The following ZNF500 variants were observed in gnomAD, a reference collection of about 807,000 sequenced individuals.
The protein encoded by ZNF500 is zinc finger protein with KRAB and SCAN domains 18.
In ZNF500, 31 loss-of-function variants were observed where a neutral mutation model predicts 30.1. The observed-to-expected ratio is 1.03, with a 90% CI of 0.77 to 1.39. The LOEUF (loss-of-function observed/expected upper bound fraction) is 1.39. Ranked by LOEUF, ZNF500 falls within the 40% of genes most tolerant of loss-of-function variation. The pLI is 0.00. For missense variants in ZNF500, 817 were observed against 657.8 expected (o/e 1.24, Z -2.65); for synonymous variants, 392 against 282.0 (o/e 1.39, Z -3.91).
At chr16:4,766,481 A>T (rs1025015110) in intron 1 of ZNF500, among the ~76,000 whole-genome samples, 1 of 152,116 alleles carries the variant, frequency 6.6e-6, no homozygotes, top group African/African-American at 2.4e-5. Context: ...TTAGCCCGAC[A>T]TGGTGGTAGC....
Position 4,752,112 on chromosome 16 carries a change from T to C in ZNF500, c.*264A>G. On this transcript the variant is annotated 3_prime_UTR_variant, in exon 6 of 6. Coordinates refer to ENST00000219478, the MANE Select transcript of ZNF500 (RefSeq NM_021646.4). ...GAGTGTCGGCTTCTGGCCTCCTGAG[T>C]GTGTCTCTGTGGCTGAAGCCCCTGC... is the stretch of plus-strand genomic sequence containing the variant. 1 of 1,337,662 alleles carries C rather than the reference T, an allele frequency of 7.5e-7. No individual in the cohort carries two copies. The allele number at this position is 1,337,662 out of a possible 1,614,324, so 82.9% of individuals were successfully genotyped here.
rs1458445982 is a variant in ZNF500 at position 4,752,554 on chromosome 16, G to A, written c.1265C>T (p.Ser422Leu). The change falls in exon 6 of 6, where the codon TCG (serine) becomes TTG (leucine). Residue 422 changes from serine (S) to leucine (L), a missense_variant. Physicochemically the swap from Ser to Leu is moderately radical, Grantham distance 145. Coordinates refer to ENST00000219478, the MANE Select transcript of ZNF500 (RefSeq NM_021646.4). ...TQCGKRFNNS[S>L]HFSAHRRTHT... is the part of the protein sequence containing the mutation. ...CGTCCGGCGGTGGGCGCTGAAGTGCGAGCTGTTGTTGAAGCGCTTCCCGCA... is the reference window on the plus strand; with the variant it reads ...CGTCCGGCGGTGGGCGCTGAAGTGCAAGCTGTTGTTGAAGCGCTTCCCGCA... 5.7e-6 allele frequency: 9 copies of A among 1,572,592 alleles called. No homozygotes were observed. Among genetic ancestry groups the A allele is most frequent in the Admixed American group, 1.9e-5 (1 of 53,902 alleles).
downstream of ZNF500, chr16:4,746,982 C>T: frequency 1.9e-6 from 3 of 1,549,862 alleles, no homozygotes; most frequent in Non-Finnish European, 2.6e-6. Flanking sequence ...GATGGCAGCT[C>T]TGGGAGACGC....
chr16:4,746,324 C>T, downstream of ZNF500: 1 of 1,560,874 alleles, frequency 6.4e-7, no homozygotes, highest in Non-Finnish European at 8.7e-7. Context: ...GCGCAGGTCA[C>T]AGAGTTATCA....
downstream of ZNF500, chr16:4,747,383 G>A (rs377538294): frequency 3.1e-6 from 5 of 1,608,682 alleles, no homozygotes; most frequent in Non-Finnish European, 4.2e-6. Flanking sequence ...GCAGCTCAGG[G>A]CCTTTCAGAA....
chr16:4,751,581 G>C lies in ZNF500; in HGVS notation c.*795C>G. On this transcript the variant is annotated 3_prime_UTR_variant, in exon 6 of 6. Coordinates refer to ENST00000219478, the MANE Select transcript of ZNF500 (RefSeq NM_021646.4). ...GAAGCTGGAGACCACGTCCTGGGAA[G>C]GCTGGGGTACAGCAGGGCTCCCTGC... 6.5e-7 allele frequency: 1 copy of C among 1,534,446 alleles called. No individual in the cohort carries two copies. The highest frequency in any genetic ancestry group is 2.0e-5 in the Admixed American group (1 of 50,854).
intron 2 of ZNF500, chr16:4,763,262 G>A (rs2082227342): frequency 5.6e-6 from 2 of 357,900 alleles, no homozygotes; most frequent in African/African-American, 4.4e-5. Context: ...GCCAGGCATG[G>A]TGGCAGCACG....
intron 2 of ZNF500, among the ~76,000 whole-genome samples, chr16:4,763,408 A>AAAAAAAAAAAG (rs1279503809): frequency 6.8e-6 from 1 of 147,750 alleles, no homozygotes; most frequent in Non-Finnish European, 1.5e-5. Flanking sequence ...CAGGGAAGAA[A>AAAAAAAAAAAG]AAAAAAAAAA....
At position 4,765,635 on chromosome 16, in the gene ZNF500, G is replaced by C; in HGVS notation, c.344C>G (p.Pro115Arg). ...GACCACGGCCTCCTCACCGCTCTCCGGCTGCTGCTCGCGTACCCGAGCCTG... is the reference window on the plus strand; with the variant it reads ...GACCACGGCCTCCTCACCGCTCTCCCGCTGCTGCTCGCGTACCCGAGCCTG... ...EIQARVREQQ[P>R]ESGEEAVVLV... Residue 115 changes from proline to arginine, a missense_variant, in exon 2 of 6, where the codon CCG becomes CGG. Physicochemically the swap from Pro to Arg is moderately radical, Grantham distance 103. Coordinates refer to ENST00000219478, the MANE Select transcript of ZNF500 (RefSeq NM_021646.4). 1 of 1,613,478 alleles carries C rather than the reference G, an allele frequency of 6.2e-7. No individual in the cohort carries two copies. Among genetic ancestry groups the C allele is most frequent in the Non-Finnish European group, 8.5e-7 (1 of 1,179,932 alleles).
rs2082050708 is a variant in ZNF500 at position 4,748,826 on chromosome 16, T to G, written c.*3550A>C. The stretch of plus-strand genomic sequence containing the variant: ...AGGCAGCACAGTAGGGCGCCGGGCC[T>G]TTGGGACAGTGTCCCAGCTTCCCCT... On this transcript the variant is annotated 3_prime_UTR_variant, in exon 6 of 6. Coordinates refer to ENST00000219478, the MANE Select transcript of ZNF500 (RefSeq NM_021646.4). 1 of 152,338 alleles carries G rather than the reference T, an allele frequency of 6.6e-6. No homozygotes were observed. The highest frequency in any genetic ancestry group is 2.4e-5 in the African/African-American group (1 of 41,464). 9.4% of individuals were successfully genotyped at this position (152,338 alleles called of 1,614,324 possible).
rs1433775719 is a variant in ZNF500, at chr16:4,750,517, T to A, written c.*1859A>T. The A allele has an allele frequency of 2.7e-5, 4 of 145,564 alleles. No homozygotes were observed. The highest frequency in any genetic ancestry group is 6.0e-5 in the Non-Finnish European group (4 of 66,590). 9.0% of individuals were successfully genotyped at this position (145,564 alleles called of 1,614,324 possible). A position where few individuals can be genotyped will look rare whatever the true frequency, so the allele number is the denominator to read the frequency against. ...TAATTTTTTTTTTTTTTGTGTGGAGTCTCGTTCTATCACCAGGCTGGAGTA... is the reference window on the plus strand; with the variant it reads ...TAATTTTTTTTTTTTTTGTGTGGAGACTCGTTCTATCACCAGGCTGGAGTA... On this transcript the variant is annotated 3_prime_UTR_variant, in exon 6 of 6. Transcript: ENST00000219478.
Position 4,763,639 on chromosome 16 carries a change from C to A in ZNF500, c.415-883G>T, listed in dbSNP as rs2082231998. The A allele has an allele frequency of 2.2e-5, 22 of 985,308 alleles. 1 individual carries two copies. The highest frequency in any genetic ancestry group is 1.9e-4 in the South Asian group (4 of 21,294). 61.0% of individuals were successfully genotyped at this position (985,308 alleles called of 1,614,324 possible). On this transcript the variant is annotated intron_variant, in intron 2 of 5. Transcript: ENST00000219478. ...AAGGGAGCGTAGTCCCCTTGGGGAG[C>A]ACAGCCTGCCCCTCTCAGCTCAGTG...
At chr16:4,746,428 A>G (rs751625199), downstream of ZNF500, 1 of 1,613,484 alleles carries the variant, frequency 6.2e-7, no homozygotes, top group Admixed American at 1.7e-5. Flanking sequence ...CAGCTGGCCC[A>G]GGGCATGAGG....
At chr16:4,756,192 G>C (rs934257829) in intron 5 of ZNF500, 1 of 152,206 alleles carries the variant, frequency 6.6e-6, no homozygotes, top group Non-Finnish European at 1.5e-5. Context: ...GACGTCAGGA[G>C]TTCTCGCCAA....
chr16:4,761,671 C>CT (rs2082202521), intron 4 of ZNF500, among the ~76,000 whole-genome samples: 1 of 150,862 alleles, frequency 6.6e-6, no homozygotes, highest in Non-Finnish European at 1.5e-5. Flanking sequence ...CACAGCGAGA[C>CT]TGTGTCCCAT....
intron 4 of ZNF500, 40 bp downstream of exon 4, chr16:4,762,231 C>G (rs369965612): frequency 5.0e-6 from 8 of 1,601,890 alleles, no homozygotes; most frequent in Non-Finnish European, 6.8e-6. Context: ...GAGGTCGGGC[C>G]AGACCCCAGG....
At position 4,751,226 on chromosome 16, in the gene ZNF500, C is replaced by A; in HGVS notation, c.*1150G>T. On this transcript the variant is annotated 3_prime_UTR_variant, in exon 6 of 6. Coordinates refer to ENST00000219478, the MANE Select transcript of ZNF500 (RefSeq NM_021646.4). Reference sequence around the variant, plus strand: ...CTGCTTGTCTTGGCCACTCACCCACCGTGGATGTGCACAGACCAGTGGCTC... The same window carrying A: ...CTGCTTGTCTTGGCCACTCACCCACAGTGGATGTGCACAGACCAGTGGCTC... 1 of 200,084 alleles carries A rather than the reference C, an allele frequency of 5.0e-6. No individual in the cohort carries two copies. 12.4% of individuals were successfully genotyped at this position (200,084 alleles called of 1,614,324 possible).
At chr16:4,763,492 G>A in intron 2 of ZNF500, 1 of 940,222 alleles carries the variant, frequency 1.1e-6, no homozygotes, top group Non-Finnish European at 1.3e-6. Flanking sequence ...TGAGTTGAAT[G>A]AAATTGGGTC....
At chr16:4,746,343 T>G (rs1430767505), downstream of ZNF500, 1 of 1,594,768 alleles carries the variant, frequency 6.3e-7, no homozygotes, top group Non-Finnish European at 8.5e-7. Context: ...CACAGAGAAC[T>G]GACTCCACAA....
Sources: allele counts gnomAD v4.1 joint callset (sites outside exome capture counted in the v4.1 genomes callset), GRCh38; gene constraint gnomAD v4.1.1; transcripts MANE v1.5; gene names NCBI Gene and HGNC (gene_info 2026-07-23, HGNC 2026-07-21).